PDE4D: variants seen among roughly 807,000 people sequenced by gnomAD.
The protein encoded by PDE4D is 3',5'-cyclic-AMP phosphodiesterase 4D.
Under a neutral mutation model 87.4 loss-of-function variants are expected in PDE4D, and 24 were observed. That is an observed-to-expected ratio of 0.27 (90% CI 0.20 to 0.39). PDE4D has a LOEUF of 0.39. Ranked by LOEUF, PDE4D falls within the 10% of genes least tolerant of loss-of-function variation. The pLI is 1.00. For synonymous variants in PDE4D, 384 were observed against 383.2 expected (o/e 1.00, Z -0.02); for missense variants, 714 against 1,041.0 (o/e 0.69, Z 4.32).
chr5:59,663,139 T>C (rs1233882079), intron 1 of PDE4D, among the ~76,000 whole-genome samples: 1 of 152,146 alleles, frequency 6.6e-6, no homozygotes, highest in Non-Finnish European at 1.5e-5. Flanking sequence ...ATTACTCAAC[T>C]CACTTATTTC....
intron 1 of PDE4D, among the ~76,000 whole-genome samples, chr5:59,848,720 A>T (rs1401164372): frequency 6.6e-6 from 1 of 152,074 alleles, no homozygotes; most frequent in Non-Finnish European, 1.5e-5. Flanking sequence ...TATAGGAAGT[A>T]TTTTTAAAAG....
intron 2 of PDE4D, among the ~76,000 whole-genome samples, chr5:60,027,070 C>A (rs978097336): frequency 1.3e-5 from 2 of 151,910 alleles, no homozygotes; most frequent in African/African-American, 4.8e-5. Context: ...TTCCTTCTCT[C>A]TTTTTTTCTT....
intron 1 of PDE4D, among the ~76,000 whole-genome samples, chr5:59,552,761 A>G (rs937721394): frequency 9.9e-5 from 15 of 152,194 alleles, no homozygotes; most frequent in African/African-American, 3.4e-4. Flanking sequence ...AATTAACTAT[A>G]TGTACATTTA....
chr5:60,299,871 T>C (rs773439050), intron 1 of PDE4D, among the ~76,000 whole-genome samples: 1 of 152,204 alleles, frequency 6.6e-6, no homozygotes, highest in Admixed American at 6.5e-5. Flanking sequence ...TACACATGTA[T>C]GTATCTTTAT....
chr5:59,420,159 AG>A (rs1368098644), intron 1 of PDE4D, among the ~76,000 whole-genome samples: 1 of 152,202 alleles, frequency 6.6e-6, no homozygotes, highest in Non-Finnish European at 1.5e-5. Context: ...TTACAGTATC[AG>A]GTTCTCCTCA....
At chr5:59,637,330 A>G (rs1216161513) in intron 1 of PDE4D, among the ~76,000 whole-genome samples, 1 of 152,198 alleles carries the variant, frequency 6.6e-6, no homozygotes, top group Non-Finnish European at 1.5e-5. Flanking sequence ...CGTGGAAGAC[A>G]GTGTGGCGAT....
intron 5 of PDE4D, among the ~76,000 whole-genome samples, chr5:59,131,645 C>T (rs28373501): frequency 0.59 from 87,039 of 146,332 alleles, 26,358 homozygotes; most frequent in South Asian, 0.73. Context: ...CACACACACA[C>T]ATTAATGAGA....
intron 1 of PDE4D, among the ~76,000 whole-genome samples, chr5:60,252,544 T>C (rs1364876940): frequency 2.0e-5 from 3 of 151,778 alleles, no homozygotes; most frequent in African/African-American, 7.2e-5. Flanking sequence ...CAGTAGGTTT[T>C]GGAGAGTTGA....
intron 5 of PDE4D, among the ~76,000 whole-genome samples, chr5:59,045,292 G>T (rs1445538558): frequency 6.6e-6 from 1 of 152,150 alleles, no homozygotes; most frequent in Non-Finnish European, 1.5e-5. Context: ...GGTGGCTCAC[G>T]CCTGTAATCC....
intron 1 of PDE4D, among the ~76,000 whole-genome samples, chr5:60,478,491 A>G (rs1748492512): frequency 6.6e-6 from 1 of 152,176 alleles, no homozygotes; most frequent in South Asian, 2.1e-4. Context: ...TTTTCATTAA[A>G]AGAAACTATT....
At chr5:60,417,449 A>T (rs547751840) in intron 1 of PDE4D, among the ~76,000 whole-genome samples, 1 of 152,358 alleles carries the variant, frequency 6.6e-6, no homozygotes, top group South Asian at 2.1e-4. Context: ...TAGTGCCAGT[A>T]GTACCAGTTA....
intron 1 of PDE4D, among the ~76,000 whole-genome samples, chr5:59,637,848 C>G (rs1213810811): frequency 6.6e-6 from 1 of 152,082 alleles, no homozygotes; most frequent in Non-Finnish European, 1.5e-5. Flanking sequence ...TTCAATACTT[C>G]TGTTGAAAGC....
At chr5:60,316,136 AT>A (rs898668568) in intron 1 of PDE4D, among the ~76,000 whole-genome samples, 6 of 152,022 alleles carry the variant, frequency 3.9e-5, no homozygotes, top group African/African-American at 1.2e-4. Context: ...ATGTTCTTCT[AT>A]TTGTTTGTAT....
intron 2 of PDE4D, among the ~76,000 whole-genome samples, chr5:60,149,171 C>T (rs1310400811): frequency 6.6e-6 from 1 of 152,168 alleles, no homozygotes; most frequent in Non-Finnish European, 1.5e-5. Context: ...TCTTAGTCCA[C>T]TTTCTGTTGC....
intron 3 of PDE4D, among the ~76,000 whole-genome samples, chr5:59,914,869 GTGTGTGT>G (rs1561855558): frequency 0.062 from 3,099 of 49,614 alleles, 66 homozygotes; most frequent in South Asian, 0.16. Context: ...TGATAGGGGT[GTGTGTGT>G]GTGTGTGTGT....
rs185394638 is a variant in PDE4D, at chr5:60,182,500, C to T, written c.42+3057G>A. Among the ~76,000 whole-genome samples the T allele has an allele frequency of 2.7e-3, 405 of 152,216 alleles. 3 individuals are homozygous for T. The highest frequency in any genetic ancestry group is 9.2e-3 in the African/African-American group (384 of 41,540). ...AGACAAAATTAGCCAGGTGTGATGG[C>T]GCATGCCTCTAATCCCAGCTACTCA... On this transcript the variant is annotated intron_variant, in intron 2 of 16. Coordinates refer to the PDE4D transcript ENST00000502484.
intron 1 of PDE4D, among the ~76,000 whole-genome samples, chr5:59,875,460 C>CAAAAAAAAAAAAAAAAAAAAAAAAAA (rs3062667): frequency 2.5e-5 from 1 of 39,688 alleles, no homozygotes; most frequent in African/African-American, 1.0e-4. Flanking sequence ...ACCTCCGTCT[C>CAAAAAAAAAAAAAAAAAAAAAAAAAA]AAAAAAAAAA....
At chr5:59,088,620 A>T (rs1042426132) in intron 5 of PDE4D, among the ~76,000 whole-genome samples, 1 of 152,228 alleles carries the variant, frequency 6.6e-6, no homozygotes, top group Non-Finnish European at 1.5e-5. Flanking sequence ...CTATGAAGCC[A>T]TAAAAAAGAA....
At chr5:60,391,321 C>T (rs1449266397) in intron 1 of PDE4D, among the ~76,000 whole-genome samples, 1 of 152,204 alleles carries the variant, frequency 6.6e-6, no homozygotes, top group Non-Finnish European at 1.5e-5. Context: ...CTCTAACAGC[C>T]ACCCCGCAGA....
Sources: allele counts gnomAD v4.1 joint callset (sites outside exome capture counted in the v4.1 genomes callset), GRCh38; gene constraint gnomAD v4.1.1; transcripts MANE v1.5; gene names NCBI Gene and HGNC (gene_info 2026-07-23, HGNC 2026-07-21).